The following GRIN3A variants were observed in gnomAD, a reference collection of about 807,000 sequenced individuals.
GRIN3A encodes glutamate receptor ionotropic, NMDA 3A.
In GRIN3A, 47 loss-of-function variants were observed where a neutral mutation model predicts 92.4. That is an observed-to-expected ratio of 0.51 (90% CI 0.40 to 0.65). The LOEUF is 0.65. Ranked by LOEUF, GRIN3A falls within the 30% of genes least tolerant of loss-of-function variation. GRIN3A has a pLI of 0.00. For missense variants in GRIN3A, 1,324 were observed against 1,393.1 expected, an observed-to-expected ratio of 0.95 and a Z score of 0.79; for synonymous variants, 527 against 540.6, an observed-to-expected ratio of 0.97 and a Z score of 0.35.
At chr9:101,598,538 A>G (rs1828170096) in intron 6 of GRIN3A, among the ~76,000 whole-genome samples, 1 of 152,228 alleles carries the variant, frequency 6.6e-6, no homozygotes, top group African/African-American at 2.4e-5. Context: ...GTTGCTTGAC[A>G]TTAGTTTTCC....
intron 3 of GRIN3A, among the ~76,000 whole-genome samples, chr9:101,651,648 G>GTC (rs71874997): frequency 0.015 from 2,332 of 151,532 alleles, 66 homozygotes; most frequent in African/African-American, 0.053. Flanking sequence ...GTGTGTGTGT[G>GTC]TGTGTGTGTG....
At chr9:101,661,086 C>T (rs1270667198) in intron 3 of GRIN3A, among the ~76,000 whole-genome samples, 1 of 151,802 alleles carries the variant, frequency 6.6e-6, no homozygotes, top group Non-Finnish European at 1.5e-5. Context: ...TCCTGAAAGC[C>T]TCTGTGGACA....
chr9:101,705,538 C>T (rs992226737), intron 1 of GRIN3A, among the ~76,000 whole-genome samples: 7 of 152,206 alleles, frequency 4.6e-5, no homozygotes, highest in African/African-American at 1.4e-4. Context: ...GGTTAACAGC[C>T]GTCCCTGGAT....
chr9:101,614,606 ATACTTTTTTT>A (rs1270585422), intron 5 of GRIN3A, among the ~76,000 whole-genome samples: 4 of 140,106 alleles, frequency 2.9e-5, no homozygotes, highest in African/African-American at 1.1e-4. Flanking sequence ...TATATATGTG[ATACTTTTTTT>A]TTTTTTTTTT....
chr9:101,670,384 T>C lies in GRIN3A; in HGVS notation c.2028A>G (p.Thr676=). The C allele has an allele frequency of 1.9e-6, 3 of 1,613,996 alleles. No homozygotes were observed. Among genetic ancestry groups the C allele is most frequent in the Non-Finnish European group, 2.5e-6 (3 of 1,179,942 alleles). Residue 676 remains threonine, a synonymous_variant, in exon 3 of 9, where the codon ACA becomes ACG. Coordinates refer to ENST00000361820, the MANE Select transcript of GRIN3A (RefSeq NM_133445.3). The part of the protein sequence containing the change: ...IGAFMWPLHW[T]MWLGIFVALH... ...GAGCCACAAAAATCCCCAGCCACAT[T>C]GTCCAGTGGAGTGGCCACATGAAGG...
chr9:101,601,104 G>C (rs958542228), intron 6 of GRIN3A: 1 of 152,188 alleles, frequency 6.6e-6, no homozygotes, highest in Non-Finnish European at 1.5e-5. Context: ...CTTTCTTCAA[G>C]AAGTATTTGA....
intron 5 of GRIN3A, among the ~76,000 whole-genome samples, chr9:101,620,898 CA>C (rs1025309232): frequency 6.6e-6 from 1 of 151,856 alleles, no homozygotes; most frequent in African/African-American, 2.4e-5. Context: ...AATATTTTCT[CA>C]AAAATTCATG....
In GRIN3A at chr9:101,613,412, C is replaced by G; in HGVS notation, c.2730G>C (p.Val910=). 1 of 1,614,166 alleles carries G rather than the reference C, an allele frequency of 6.2e-7. No homozygotes were observed. Among genetic ancestry groups the G allele is most frequent in the Non-Finnish European group, 8.5e-7 (1 of 1,180,016 alleles). Residue 910 remains valine, a synonymous_variant, in exon 6 of 9, where the codon GTG becomes GTC. Transcript: ENST00000361820. The part of the protein sequence containing the change: ...MDMLHDKWYR[V]VPCGKRSFAV... ...CAAAACTTCTCTTGCCACAGGGAAC[C>G]ACCCTGTACCACTTGTCATGGAGCA...
chr9:101,710,713 TATG>T (rs1171442147), intron 1 of GRIN3A, among the ~76,000 whole-genome samples: 2 of 152,194 alleles, frequency 1.3e-5, no homozygotes, highest in Non-Finnish European at 2.9e-5. Flanking sequence ...GCCAAACAAT[TATG>T]GTAACATTAT....
At chr9:101,714,085 A>G (rs1477529885) in intron 1 of GRIN3A, among the ~76,000 whole-genome samples, 1 of 152,214 alleles carries the variant, frequency 6.6e-6, no homozygotes. Flanking sequence ...CAAATGGTAT[A>G]GAAAAAGGCA....
Position 101,591,130 on chromosome 9 carries a change from G to T in GRIN3A, c.2767-11770C>A, listed in dbSNP as rs73505301. Among the ~76,000 whole-genome samples the T allele has an allele frequency of 7.4e-3, 1,121 of 152,290 alleles. 14 individuals carry two copies. Among genetic ancestry groups the T allele is most frequent in the African/African-American group, 0.026 (1,081 of 41,542 alleles). On this transcript the variant is annotated intron_variant, in intron 6 of 8. Coordinates refer to ENST00000361820, the MANE Select transcript of GRIN3A (RefSeq NM_133445.3). ...CTATAGCCTCAGAGCATATTGGTTT[G>T]CGTTATCGGTTTAATCTAAATATTG...
chr9:101,694,668 A>T (rs1349915757), intron 1 of GRIN3A, among the ~76,000 whole-genome samples: 1 of 152,122 alleles, frequency 6.6e-6, no homozygotes, highest in Non-Finnish European at 1.5e-5. Flanking sequence ...TATGCCCCAC[A>T]CAAATACAAC....
At chr9:101,688,236 C>T (rs968344717) in intron 1 of GRIN3A, among the ~76,000 whole-genome samples, 5 of 152,092 alleles carry the variant, frequency 3.3e-5, no homozygotes, top group East Asian at 1.9e-4. Context: ...CCTGTCCCTA[C>T]GTACCAAAAA....
chr9:101,670,281 T>C lies in GRIN3A; in HGVS notation c.2131A>G (p.Ser711Gly). 1 of 1,614,084 alleles carries C rather than the reference T, an allele frequency of 6.2e-7. No homozygotes were observed. The highest frequency in any genetic ancestry group is 1.1e-5 in the South Asian group (1 of 91,082). ...FGLTPKGRNR[S>G]KVFSFSSALN... Reference sequence around the variant, plus strand: ...GCTGAAGAAAAGGAGAAGACTTTACTTCTATTTCGCCCCTTGGGAGTCAAA... The same window carrying C: ...GCTGAAGAAAAGGAGAAGACTTTACCTCTATTTCGCCCCTTGGGAGTCAAA... Residue 711 changes from serine to glycine, a missense_variant, in exon 3 of 9, where the codon AGT (serine) becomes GGT (glycine). Transcript: ENST00000361820.
chr9:101,687,724 C>T (rs1829558269), intron 1 of GRIN3A, among the ~76,000 whole-genome samples: 2 of 152,190 alleles, frequency 1.3e-5, no homozygotes, highest in African/African-American at 4.8e-5. Flanking sequence ...GAGGAAGACA[C>T]TTCTAATAAG....
chr9:101,723,548 G>A (rs1463546390), intron 1 of GRIN3A, among the ~76,000 whole-genome samples: 3 of 152,176 alleles, frequency 2.0e-5, no homozygotes, highest in Non-Finnish European at 2.9e-5. Context: ...TGCCACTGCT[G>A]GCTCGGGCAG....
chr9:101,653,497 T>C (rs1369480195), intron 3 of GRIN3A, among the ~76,000 whole-genome samples: 1 of 151,972 alleles, frequency 6.6e-6, no homozygotes, highest in African/African-American at 2.4e-5. Flanking sequence ...TGATGAAACT[T>C]CAAAAATCCT....
chr9:101,573,482 A>G lies in GRIN3A; in HGVS notation c.3040T>C (p.Trp1014Arg). Residue 1014 changes from tryptophan to arginine, a missense_variant, in exon 9 of 9, where the codon TGG becomes CGG. Transcript: ENST00000361820. ...SNVGPRQLTV[W>R]NTSNLSHDNR... ...TCATGACTCAGATTGGAAGTATTCC[A>G]TACGGTAAGCTGACGGGGTCCCACA... The G allele has an allele frequency of 6.2e-7, 1 of 1,614,022 alleles. No homozygotes were observed. The highest frequency in any genetic ancestry group is 8.5e-7 in the Non-Finnish European group (1 of 1,179,946).
chr9:101,668,268 G>T (rs545002251), intron 3 of GRIN3A, among the ~76,000 whole-genome samples: 3 of 151,938 alleles, frequency 2.0e-5, no homozygotes, highest in African/African-American at 4.8e-5. Context: ...CTTAATTTTG[G>T]CAATCACTCG....
Sources: gnomAD v4.1 joint callset for allele counts (sites outside exome capture counted in the v4.1 genomes callset) on GRCh38, gnomAD v4.1.1 for gene constraint, MANE v1.5 for transcripts, NCBI Gene and HGNC (gene_info 2026-07-23, HGNC 2026-07-21) for gene names.